The following SCUBE2 variants were observed in gnomAD, a reference collection of about 807,000 sequenced individuals.
SCUBE2 encodes the protein signal peptide, CUB and EGF-like domain-containing protein 2.
In SCUBE2, 114 loss-of-function variants were observed where a neutral mutation model predicts 125.9. That is an observed-to-expected ratio of 0.91 (90% CI 0.78 to 1.06). The LOEUF is 1.06. SCUBE2 is among the 50% of genes least tolerant of loss of function. The pLI is 0.00. For missense variants in SCUBE2, 1,255 were observed against 1,301.8 expected (o/e 0.96, Z 0.55); for synonymous variants, 459 against 492.9 (o/e 0.93, Z 0.91).
intron 16 of SCUBE2, among the ~76,000 whole-genome samples, chr11:9,039,204 G>A (rs1345195829): frequency 6.6e-6 from 1 of 152,194 alleles, no homozygotes; most frequent in East Asian, 1.9e-4. Context: ...AGGCAAGGCT[G>A]AGGAGAACAA....
At chr11:9,087,925 A>C (rs1308792668) in intron 2 of SCUBE2, among the ~76,000 whole-genome samples, 1 of 152,164 alleles carries the variant, frequency 6.6e-6, no homozygotes, top group East Asian at 1.9e-4. Flanking sequence ...CTGTATCTAG[A>C]TATTTCATTT....
intron 2 of SCUBE2, among the ~76,000 whole-genome samples, chr11:9,082,226 T>C (rs1190575993): frequency 1.3e-5 from 2 of 152,280 alleles, no homozygotes; most frequent in African/African-American, 2.4e-5. Flanking sequence ...CTACCTATTC[T>C]GGATATTAAT....
Position 9,091,453 on chromosome 11 carries a change from G to A in SCUBE2, c.76C>T (p.Leu26=), listed in dbSNP as rs1862727025. ...GGCGGGACGGCCCCCGCCAGCAGCA[G>A]CAGTGGCGGCAGCAGCAGCAGCAGC... ...LLLLLLLPPL[L]LLAGAVPPGR... is the part of the protein sequence containing the mutation. The change falls in exon 1 of 23, where the codon CTG becomes TTG. Residue 26 remains leucine, a synonymous_variant. Coordinates refer to ENST00000649792, the MANE Select transcript of SCUBE2 (RefSeq NM_001367977.2). The surrounding 1 kb of genome is among the most constrained non-coding windows in gnomAD (Gnocchi z 8.5). 7.6e-7 allele frequency: 1 copy of A among 1,308,098 alleles called. No homozygotes were observed. Among genetic ancestry groups the A allele is most frequent in the Non-Finnish European group, 9.7e-7 (1 of 1,035,614 alleles). The allele number at this position is 1,308,098 out of a possible 1,614,324, so 81.0% of individuals were successfully genotyped here. A position where few individuals can be genotyped will look rare whatever the true frequency, so the allele number is the denominator to read the frequency against.
chr11:9,059,182 A>G, intron 9 of SCUBE2, 121 bp downstream of exon 9: 1 of 1,124,008 alleles, frequency 8.9e-7, no homozygotes, highest in Non-Finnish European at 1.3e-6. Flanking sequence ...CCTAGGAAGG[A>G]GATTGGATTA....
chr11:9,067,068 T>A (rs577087112), intron 5 of SCUBE2, among the ~76,000 whole-genome samples: 1 of 151,634 alleles, frequency 6.6e-6, no homozygotes, highest in Non-Finnish European at 1.5e-5. Context: ...GATGGGAGAG[T>A]TGGGGGAGAG....
rs1467506144 is a variant in SCUBE2, at chr11:9,025,751, A to G, written c.2805T>C (p.Asn935=). 16 of 1,614,014 alleles carry G rather than the reference A, an allele frequency of 9.9e-6. No individual in the cohort carries two copies. The highest frequency in any genetic ancestry group is 1.4e-5 in the Non-Finnish European group (16 of 1,180,036). ...GGAACCCTCTAGCGCTGTTCCCTTC[A>G]TTGGACTTGAACTGAATCCACAGCT... ...SKKLWIQFKS[N]EGNSARGFQV... is the part of the protein sequence containing the mutation. The change falls in exon 21 of 23, where the codon AAT becomes AAC. Residue 935 remains asparagine (N), a synonymous_variant. Coordinates refer to ENST00000649792, the MANE Select transcript of SCUBE2 (RefSeq NM_001367977.2).
intron 2 of SCUBE2, among the ~76,000 whole-genome samples, chr11:9,080,056 C>T (rs539677822): frequency 6.6e-6 from 1 of 152,158 alleles, no homozygotes; most frequent in South Asian, 2.1e-4. Context: ...TATAAACCTA[C>T]AGTTATCAAG....
chr11:9,089,786 G>C lies in SCUBE2; in HGVS notation c.177C>G (p.Asp59Glu). ...AGGTGGGTGTGTTCTGACACAGGGC[G>C]TCGGCATGGCAGTCATCTAGCCCTT... ...CAQGLDDCHADALCQNTPTSY... is the reference protein window; with the variant it reads ...CAQGLDDCHAEALCQNTPTSY... The change falls in exon 2 of 23, where the codon GAC becomes GAG. Residue 59 changes from aspartate to glutamate, a missense_variant. Physicochemically the swap from Asp to Glu is conservative, Grantham distance 45. Around this residue, in one of 3 missense-constraint regions of SCUBE2, gnomAD observed 362 missense variants for 323.0 expected, o/e 1.12. Coordinates refer to ENST00000649792, the MANE Select transcript of SCUBE2 (RefSeq NM_001367977.2). 2.5e-6 allele frequency: 4 copies of C among 1,613,970 alleles called. No individual in the cohort carries two copies. The highest frequency in any genetic ancestry group is 2.5e-6 in the Non-Finnish European group (3 of 1,179,940).
At chr11:9,055,933 G>C (rs1355319551) in intron 9 of SCUBE2, 24 bp from the exon 10 acceptor site, 2 of 1,585,744 alleles carry the variant, frequency 1.3e-6, no homozygotes, top group Non-Finnish European at 1.7e-6. Context: ...AGGGAGAGGG[G>C]AGCTGAAACC....
At chr11:9,029,677 T>C (rs1960180) in intron 19 of SCUBE2, among the ~76,000 whole-genome samples, 101,347 of 152,128 alleles carry the variant, frequency 0.67, 33,963 homozygotes, top group East Asian at 0.79. Flanking sequence ...CCTGAGGAAG[T>C]AGCCAGGATC....
chr11:9,061,994 C>T (rs1331208969), intron 7 of SCUBE2, among the ~76,000 whole-genome samples: 1 of 152,174 alleles, frequency 6.6e-6, no homozygotes, highest in African/African-American at 2.4e-5. Context: ...CCCCAGAGCT[C>T]CTCCTTAACT....
chr11:9,033,585 C>A (rs1360222471), intron 17 of SCUBE2, 41 bp downstream of exon 17: 7 of 1,594,716 alleles, frequency 4.4e-6, no homozygotes, highest in Non-Finnish European at 5.1e-6. Context: ...ACAATGACAT[C>A]AGAGATGGGA....
rs2136071771 is a variant in SCUBE2, at chr11:9,091,466, CAG to C, written c.61_62del (p.Leu21AlafsTer27). On this transcript the variant is annotated frameshift_variant, in exon 1 of 23. Coordinates refer to ENST00000649792, the MANE Select transcript of SCUBE2 (RefSeq NM_001367977.2). LOFTEE classifies it high-confidence loss of function. The surrounding 1 kb of genome is among the most constrained non-coding windows in gnomAD (Gnocchi z 8.5). Reference protein sequence around the residue: ...AAWAVLLLLLLLPPLLLLAGA... With the variant: ...AAWAVLLLLLXLPPLLLLAGA... ...CCGCCAGCAGCAGCAGTGGCGGCAG[CAG>C]CAGCAGCAGCAGCAGCACCGCCCAG... The C allele has an allele frequency of 4.2e-6, 5 of 1,188,136 alleles. No homozygotes were observed. The South Asian group carries it at 1.1e-4, about 25-fold the overall frequency. The allele number at this position is 1,188,136 out of a possible 1,614,324, so 73.6% of individuals were successfully genotyped here.
chr11:9,060,055 A>T lies in SCUBE2; in HGVS notation c.967+353T>A, dbSNP rs369830906. 3.6e-4 allele frequency among the ~76,000 whole-genome samples: 55 copies of T among 152,332 alleles called. No homozygotes were observed. The South Asian group carries it at 0.011, about 29-fold the overall frequency. On this transcript the variant is annotated intron_variant, in intron 8 of 22. Transcript: ENST00000649792. ...TGGATAATCATCTTGACTGTTATTTATATAATAATCTCTAGGCTATTATGT... is the reference window on the plus strand; with the variant it reads ...TGGATAATCATCTTGACTGTTATTTTTATAATAATCTCTAGGCTATTATGT...
intron 16 of SCUBE2, 62 bp downstream of exon 16, chr11:9,047,294 T>TAC: frequency 6.4e-7 from 1 of 1,569,930 alleles, no homozygotes; most frequent in Non-Finnish European, 8.8e-7. Context: ...TGCCTTCGGT[T>TAC]ACCCTGAGTG....
chr11:9,053,812 C>T, intron 10 of SCUBE2, 53 bp from the exon 11 acceptor site: 1 of 1,587,846 alleles, frequency 6.3e-7, no homozygotes, highest in Middle Eastern at 1.8e-4. Context: ...AATGGGCTGA[C>T]ATGGTCCCTC....
intron 7 of SCUBE2, among the ~76,000 whole-genome samples, chr11:9,061,086 T>G (rs1255821065): frequency 1.3e-5 from 2 of 152,174 alleles, no homozygotes; most frequent in African/African-American, 2.4e-5. Flanking sequence ...TAAGCCACAA[T>G]TGTTAAATTG....
At chr11:9,073,804 C>T (rs1241566730) in intron 4 of SCUBE2, among the ~76,000 whole-genome samples, 1 of 152,098 alleles carries the variant, frequency 6.6e-6, no homozygotes, top group Non-Finnish European at 1.5e-5. Flanking sequence ...TACTTAATGC[C>T]CCTTCCTCTC....
At chr11:9,034,940 T>C (rs370079795) in intron 16 of SCUBE2, among the ~76,000 whole-genome samples, 1 of 152,002 alleles carries the variant, frequency 6.6e-6, no homozygotes, top group Non-Finnish European at 1.5e-5. Context: ...GAGGTTGCAA[T>C]GGGCCGAGAT....
Sources: gnomAD v4.1 joint callset for allele counts (sites outside exome capture counted in the v4.1 genomes callset) on GRCh38, gnomAD v4.1.1 for gene constraint, gnomAD v4.1.1 regional missense constraint, Gnocchi (gnomAD v3.1) non-coding constraint, MANE v1.5 for transcripts, NCBI Gene and HGNC (gene_info 2026-07-23, HGNC 2026-07-21) for gene names.